Variants in CNTN6 observed in about 807,000 individuals in gnomAD.
CNTN6 encodes the protein contactin 6.
A neutral mutation model predicts 122.8 loss-of-function variants in CNTN6; 137 were observed. The observed-to-expected ratio is 1.12, with a 90% CI of 0.97 to 1.29. The LOEUF (loss-of-function observed/expected upper bound fraction) is 1.29, where lower values mean the gene tolerates loss of function less well. Ranked by LOEUF, CNTN6 falls within the 50% of genes most tolerant of loss-of-function variation. CNTN6 has a pLI of 0.00. For synonymous variants in CNTN6, 570 were observed against 426.0 expected, an observed-to-expected ratio of 1.34 and a Z score of -4.16; for missense variants, 1,634 against 1,223.4, an observed-to-expected ratio of 1.34 and a Z score of -5.01.
At chr3:1,273,580 G>A (rs1691769440) in intron 4 of CNTN6, among the ~76,000 whole-genome samples, 1 of 152,158 alleles carries the variant, frequency 6.6e-6, no homozygotes, top group Non-Finnish European at 1.5e-5. Flanking sequence ...ATATCCACAT[G>A]AGATGGTACA....
intron 12 of CNTN6, among the ~76,000 whole-genome samples, chr3:1,365,280 C>G (rs1460138561): frequency 6.6e-6 from 1 of 151,968 alleles, no homozygotes; most frequent in Non-Finnish European, 1.5e-5. Context: ...ACAAATATAT[C>G]AGAATGTATC....
intron 4 of CNTN6, among the ~76,000 whole-genome samples, chr3:1,235,821 C>G (rs1180245946): frequency 1.3e-5 from 2 of 152,020 alleles, no homozygotes; most frequent in African/African-American, 2.4e-5. Flanking sequence ...GGTTCTCAGC[C>G]CTGGTCACTA....
At chr3:1,383,516 T>A (rs1692264727) in intron 19 of CNTN6, 108 bp downstream of exon 19, 2 of 821,608 alleles carry the variant, frequency 2.4e-6, no homozygotes, top group Non-Finnish European at 2.0e-6. Flanking sequence ...TATGATAATG[T>A]GTGTCTAAAG....
At chr3:1,379,962 G>T (rs1710423499) in intron 17 of CNTN6, among the ~76,000 whole-genome samples, 1 of 152,106 alleles carries the variant, frequency 6.6e-6, no homozygotes, top group Non-Finnish European at 1.5e-5. Flanking sequence ...TCCTATCAGT[G>T]GAATACAAAA....
At chr3:1,376,627 A>ATAAT (rs144890500) in intron 16 of CNTN6, among the ~76,000 whole-genome samples, 14,087 of 152,154 alleles carry the variant, frequency 0.093, 721 homozygotes, top group African/African-American at 0.14. Context: ...TTGAAAAAAA[A>ATAAT]TAATTAATAT....
At chr3:1,402,149 T>G (rs147117044) in intron 21 of CNTN6, among the ~76,000 whole-genome samples, 169 bp from the exon 22 acceptor site, 2 of 152,128 alleles carry the variant, frequency 1.3e-5, no homozygotes, top group East Asian at 3.9e-4. Context: ...CACCTCTTTT[T>G]CTTAACAGGA....
chr3:1,394,975 G>C (rs192503760), intron 20 of CNTN6, among the ~76,000 whole-genome samples: 1 of 152,132 alleles, frequency 6.6e-6, no homozygotes, highest in Non-Finnish European at 1.5e-5. Context: ...CTGAAGATTA[G>C]CGTTCCTTTA....
At chr3:1,378,393 G>A (rs1710188421) in intron 17 of CNTN6, among the ~76,000 whole-genome samples, 1 of 152,104 alleles carries the variant, frequency 6.6e-6, no homozygotes, top group African/African-American at 2.4e-5. Flanking sequence ...AGAGATAACT[G>A]GGAACCAGAG....
intron 9 of CNTN6, 117 bp from the exon 10 acceptor site, chr3:1,327,340 A>T: frequency 8.8e-7 from 1 of 1,139,884 alleles, no homozygotes; most frequent in Non-Finnish European, 1.2e-6. Context: ...GTAGTGTATT[A>T]ATACACCAAA....
rs573918446 is a variant in CNTN6, at chr3:1,217,808, C to A, written c.56-2879C>A. 7.2e-5 allele frequency among the ~76,000 whole-genome samples: 11 copies of A among 152,306 alleles called. No individual in the cohort carries two copies. In the East Asian group the frequency reaches 2.1e-3, roughly 29 times the overall value. ...TGTCCTGCCATCAAGCAAACAGAGG[C>A]TGAGGCCGGGTATTCTCCTGCCTTT... On this transcript the variant is annotated intron_variant, in intron 2 of 22. Transcript: ENST00000446702.
At chr3:1,238,742 C>G (rs9835494) in intron 4 of CNTN6, among the ~76,000 whole-genome samples, 17,411 of 152,148 alleles carry the variant, frequency 0.11, 1,173 homozygotes, top group East Asian at 0.32. Context: ...ATCAAGTACT[C>G]TCTCAGACCA....
At chr3:1,108,710 A>G (rs2091342449) in intron 1 of CNTN6, among the ~76,000 whole-genome samples, 1 of 152,098 alleles carries the variant, frequency 6.6e-6, no homozygotes, top group Middle Eastern at 3.2e-3. Context: ...TTAATTTTGT[A>G]AATAAATAAC....
intron 1 of CNTN6, among the ~76,000 whole-genome samples, chr3:1,115,012 T>C (rs1187934816): frequency 6.6e-6 from 1 of 152,102 alleles, no homozygotes; most frequent in Admixed American, 6.6e-5. Flanking sequence ...TCTCTCAACC[T>C]ACGGGAGGTT....
At chr3:1,120,225 C>T (rs2091898341) in intron 1 of CNTN6, among the ~76,000 whole-genome samples, 1 of 151,888 alleles carries the variant, frequency 6.6e-6, no homozygotes, top group African/African-American at 2.4e-5. Context: ...ATTTGTCTTA[C>T]ATTCTACTTT....
rs186833489 is a variant in CNTN6, at chr3:1,364,621, A to C, written c.1493-7678A>C. Among the ~76,000 whole-genome samples, 329 of 152,060 alleles carry C rather than the reference A, an allele frequency of 2.2e-3. 3 individuals carry two copies. Among genetic ancestry groups the C allele is most frequent in the Non-Finnish European group, 3.4e-3 (234 of 67,874 alleles). ...ATGTAGTTAGAGATCATGAAAGGTA[A>C]GAGTGTATTTATTTGGCCATTGATA... On this transcript the variant is annotated intron_variant, in intron 12 of 22. Transcript: ENST00000446702.
At chr3:1,183,318 A>G (rs1431703088) in intron 2 of CNTN6, among the ~76,000 whole-genome samples, 1 of 152,156 alleles carries the variant, frequency 6.6e-6, no homozygotes, top group Non-Finnish European at 1.5e-5. Context: ...AAGACTTACT[A>G]TGGCTTAATA....
rs1701452650 is a variant in CNTN6 at position 1,325,797 on chromosome 3, C to T, written c.947-18C>T. 2.5e-6 allele frequency: 4 copies of T among 1,608,220 alleles called. No individual in the cohort carries two copies. Among genetic ancestry groups the T allele is most frequent in the African/African-American group, 1.3e-5 (1 of 74,550 alleles). On this transcript the variant is annotated intron_variant, in intron 8 of 22. Coordinates refer to ENST00000446702, the MANE Select transcript of CNTN6 (RefSeq NM_001289080.2). Reference sequence around the variant, plus strand: ...AACTGCCTTTTACCAAACAGTGGCACTTGCCTTTTTGAAACAGCTCCTCCA... The same window carrying T: ...AACTGCCTTTTACCAAACAGTGGCATTTGCCTTTTTGAAACAGCTCCTCCA...
chr3:1,289,716 C>T (rs2125839895), intron 5 of CNTN6, among the ~76,000 whole-genome samples: 1 of 148,688 alleles, frequency 6.7e-6, no homozygotes, highest in East Asian at 2.0e-4. Flanking sequence ...GCTCTGTGGC[C>T]CAGGCTGGAG....
rs542309022 is a variant in CNTN6 at position 1,296,625 on chromosome 3, C to G, written c.658+821C>G. 3.3e-4 allele frequency among the ~76,000 whole-genome samples: 50 copies of G among 152,182 alleles called. 1 individual carries two copies. In the South Asian group the frequency reaches 0.01, roughly 31 times the overall value. ...GTTGAAGAAAAGCAAGAATATAATGCTAATGAAGCATAACAGAATTGTGGA... is the reference window on the plus strand; with the variant it reads ...GTTGAAGAAAAGCAAGAATATAATGGTAATGAAGCATAACAGAATTGTGGA... On this transcript the variant is annotated intron_variant, in intron 6 of 22. Coordinates refer to ENST00000446702, the MANE Select transcript of CNTN6 (RefSeq NM_001289080.2).
Sources: allele counts gnomAD v4.1 joint callset (sites outside exome capture counted in the v4.1 genomes callset), GRCh38; gene constraint gnomAD v4.1.1; transcripts MANE v1.5; gene names NCBI Gene and HGNC (gene_info 2026-07-23, HGNC 2026-07-21).